PRKN: variants seen among roughly 807,000 people sequenced by gnomAD.
The protein encoded by PRKN is parkin RBR E3 ubiquitin protein ligase.
In PRKN, 56 loss-of-function variants were observed where a neutral mutation model predicts 59.5. That is an observed-to-expected ratio of 0.94 (90% confidence interval 0.76 to 1.18). PRKN has a LOEUF of 1.18. Ranked by LOEUF, PRKN falls within the 50% of genes most tolerant of loss-of-function variation. The pLI is 0.00. For missense variants in PRKN, 657 were observed against 596.4 expected, an observed-to-expected ratio of 1.10 and a Z score of -1.06; for synonymous variants, 250 against 222.1, an observed-to-expected ratio of 1.13 and a Z score of -1.12.
chr6:162,162,883 C>T (rs574344331), intron 4 of PRKN, among the ~76,000 whole-genome samples: 1 of 148,326 alleles, frequency 6.7e-6, no homozygotes, highest in South Asian at 2.1e-4. Context: ...TGGTGGGCAC[C>T]TGTAGTCCCA....
intron 2 of PRKN, among the ~76,000 whole-genome samples, chr6:162,310,210 C>T (rs988447428): frequency 6.6e-6 from 1 of 152,136 alleles, no homozygotes; most frequent in Non-Finnish European, 1.5e-5. Flanking sequence ...GGATACTTCC[C>T]TCATGTCACA....
chr6:161,436,848 T>A (rs531050182), intron 9 of PRKN, among the ~76,000 whole-genome samples: 2 of 152,162 alleles, frequency 1.3e-5, no homozygotes, highest in South Asian at 2.1e-4. Flanking sequence ...TCTCTATGTG[T>A]TAGGTTCCAC....
At chr6:162,692,073 C>T (rs991760278) in intron 1 of PRKN, among the ~76,000 whole-genome samples, 3 of 151,678 alleles carry the variant, frequency 2.0e-5, no homozygotes, top group Admixed American at 1.3e-4. Flanking sequence ...GTTGCCATTG[C>T]TTTTGGTGTT....
At chr6:162,104,648 G>A (rs1156685579) in intron 4 of PRKN, among the ~76,000 whole-genome samples, 3 of 152,252 alleles carry the variant, frequency 2.0e-5, no homozygotes, top group Non-Finnish European at 4.4e-5. Context: ...CAGGCCAGGC[G>A]TGGACTCTGG....
intron 4 of PRKN, among the ~76,000 whole-genome samples, chr6:162,140,143 T>G (rs1583090542): frequency 6.6e-6 from 1 of 152,238 alleles, no homozygotes; most frequent in Admixed American, 6.5e-5. Context: ...AATATGATTC[T>G]GAACATTCAA....
At chr6:162,455,667 T>C (rs1790836973) in intron 1 of PRKN, among the ~76,000 whole-genome samples, 1 of 152,152 alleles carries the variant, frequency 6.6e-6, no homozygotes, top group South Asian at 2.1e-4. Flanking sequence ...TTAACTCCTA[T>C]TGGCTGTCTG....
intron 6 of PRKN, among the ~76,000 whole-genome samples, chr6:161,853,721 CT>C (rs762806197): frequency 3.3e-5 from 5 of 152,162 alleles, no homozygotes; most frequent in Non-Finnish European, 7.4e-5. Flanking sequence ...TGCAGGAGAT[CT>C]TTACTCACAA....
chr6:161,618,749 T>G (rs920949212), intron 7 of PRKN, among the ~76,000 whole-genome samples: 12 of 152,212 alleles, frequency 7.9e-5, no homozygotes, highest in African/African-American at 2.7e-4. Flanking sequence ...ACAACATTAC[T>G]TTTATTATGC....
chr6:161,950,503 C>T (rs1471181335), intron 6 of PRKN, among the ~76,000 whole-genome samples: 1 of 152,178 alleles, frequency 6.6e-6, no homozygotes, highest in African/African-American at 2.4e-5. Context: ...CGAGATTGCG[C>T]CACTGCACTC....
chr6:162,257,297 TTTTTC>T (rs1485320637), intron 3 of PRKN, among the ~76,000 whole-genome samples: 1 of 152,066 alleles, frequency 6.6e-6, no homozygotes, highest in Non-Finnish European at 1.5e-5. Context: ...GTGGCCACAG[TTTTTC>T]TTTTTTTTTT....
intron 4 of PRKN, among the ~76,000 whole-genome samples, chr6:162,158,960 C>A (rs1782644361): frequency 6.6e-6 from 1 of 151,924 alleles, no homozygotes; most frequent in South Asian, 2.1e-4. Flanking sequence ...CACTAACTAC[C>A]ATATTAAATC....
intron 4 of PRKN, among the ~76,000 whole-genome samples, chr6:162,156,201 G>A (rs977010823): frequency 6.6e-6 from 1 of 152,104 alleles, no homozygotes; most frequent in Non-Finnish European, 1.5e-5. Context: ...CCACTGAATA[G>A]GCCACTGAAT....
chr6:162,271,016 G>GTT (rs61368267), intron 2 of PRKN, among the ~76,000 whole-genome samples: 6,110 of 108,244 alleles, frequency 0.056, 602 homozygotes, highest in African/African-American at 0.15. Context: ...TAATTTTCTA[G>GTT]TTTTTTTTTT....
chr6:161,494,380 G>A (rs558180920), intron 9 of PRKN, among the ~76,000 whole-genome samples: 23 of 152,256 alleles, frequency 1.5e-4, no homozygotes, highest in African/African-American at 4.6e-4. Context: ...AGGTGTCCAC[G>A]TCAGCTGAGA....
chr6:161,417,032 G>A lies in PRKN; in HGVS notation c.1084-30155C>T, dbSNP rs920539985. 6.6e-6 allele frequency among the ~76,000 whole-genome samples: 1 copy of A among 152,190 alleles called. No individual in the cohort carries two copies. The highest frequency in any genetic ancestry group is 1.5e-5 in the Non-Finnish European group (1 of 68,038). Reference sequence around the variant, plus strand: ...GGGAGATGGGGCCGAGGAAGGAGTAGGAGGTGTGGCTATGCTAGCTCATGC... The same window carrying A: ...GGGAGATGGGGCCGAGGAAGGAGTAAGAGGTGTGGCTATGCTAGCTCATGC... On this transcript the variant is annotated intron_variant, in intron 9 of 11. Transcript: ENST00000366898. The surrounding 1 kb of genome is among the most constrained non-coding windows in gnomAD (Gnocchi z 5.4).
chr6:161,771,112 T>C (rs1789656771), intron 7 of PRKN, among the ~76,000 whole-genome samples: 1 of 151,920 alleles, frequency 6.6e-6, no homozygotes, highest in South Asian at 2.1e-4. Context: ...ATCCCAGCAC[T>C]TTGGGAGGCC....
chr6:162,508,545 C>T (rs560458588), intron 1 of PRKN, among the ~76,000 whole-genome samples: 1 of 152,186 alleles, frequency 6.6e-6, no homozygotes. Flanking sequence ...AAGAAAGCAA[C>T]AGCATCTGCC....
rs774950794 is a variant in PRKN, at chr6:161,785,752, A to G, written c.871+20T>C. ...TTCTTCATTAGCATTAGAGATGGAG[A>G]GAAAACATGCTAGACTTACCCACAC... is the stretch of plus-strand genomic sequence containing the variant. On this transcript the variant is annotated intron_variant, in intron 7 of 11. Transcript: ENST00000366898. 3.1e-6 allele frequency: 5 copies of G among 1,612,864 alleles called. No homozygotes were observed. Among genetic ancestry groups the G allele is most frequent in the Non-Finnish European group, 4.2e-6 (5 of 1,179,288 alleles).
chr6:162,448,098 C>A (rs550783879), intron 1 of PRKN, among the ~76,000 whole-genome samples: 13 of 152,244 alleles, frequency 8.5e-5, no homozygotes, highest in Admixed American at 2.0e-4. Flanking sequence ...GCACTGAAGG[C>A]AGGCAATTCT....
Sources: allele counts gnomAD v4.1 joint callset (sites outside exome capture counted in the v4.1 genomes callset), GRCh38; gene constraint gnomAD v4.1.1; non-coding constraint Gnocchi (gnomAD v3.1); transcripts MANE v1.5; gene names NCBI Gene and HGNC (gene_info 2026-07-23, HGNC 2026-07-21).